CPA6: variants seen among roughly 807,000 people sequenced by gnomAD.
CPA6 encodes the protein carboxypeptidase A6, also known as carboxypeptidase B.
A neutral mutation model predicts 63.3 loss-of-function variants in CPA6; 58 were observed. That is an observed-to-expected ratio of 0.92 (90% CI 0.74 to 1.14). CPA6 has a LOEUF of 1.14. CPA6 is among the 50% of genes most tolerant of loss of function. CPA6 has a pLI of 0.00. For missense variants in CPA6, 565 were observed against 526.6 expected (o/e 1.07, Z -0.71); for synonymous variants, 185 against 179.0 (o/e 1.03, Z -0.27).
chr8:67,722,145 T>C (rs1817512977), intron 1 of CPA6, among the ~76,000 whole-genome samples: 1 of 152,230 alleles, frequency 6.6e-6, no homozygotes, highest in Non-Finnish European at 1.5e-5. Flanking sequence ...TTTGGAATCA[T>C]TCTTTGCCCA....
intron 2 of CPA6, among the ~76,000 whole-genome samples, chr8:67,576,312 T>C (rs1010010675): frequency 2.0e-5 from 3 of 152,230 alleles, no homozygotes; most frequent in Non-Finnish European, 4.4e-5. Flanking sequence ...CAACTATAAT[T>C]CGTCTATATG....
intron 8 of CPA6, among the ~76,000 whole-genome samples, chr8:67,477,217 G>T (rs1193695765): frequency 3.3e-5 from 5 of 149,974 alleles, no homozygotes; most frequent in Admixed American, 2.7e-4. Context: ...CTGAACCTGG[G>T]AGGCGGAGCT....
chr8:67,728,517 T>A (rs1817647366), intron 1 of CPA6, among the ~76,000 whole-genome samples: 1 of 152,214 alleles, frequency 6.6e-6, no homozygotes, highest in African/African-American at 2.4e-5. Flanking sequence ...AACACATAGG[T>A]AGCATCCCAA....
intron 6 of CPA6, among the ~76,000 whole-genome samples, chr8:67,504,167 T>G (rs1811884097): frequency 6.6e-6 from 1 of 152,216 alleles, no homozygotes; most frequent in Non-Finnish European, 1.5e-5. Flanking sequence ...GACTTCCAAC[T>G]GTGTGCACAT....
In CPA6 at chr8:67,559,649, C is replaced by T. The variant is rs577979856; in HGVS notation, c.193-41602G>A. ...TTGCATGTGTGAAGAAACAGGCAAA[C>T]TTTCTTTCTTATTTATTCTATTCTG... On this transcript the variant is annotated intron_variant, in intron 2 of 10. Coordinates refer to ENST00000297770, the MANE Select transcript of CPA6 (RefSeq NM_020361.5). Among the ~76,000 whole-genome samples the T allele has an allele frequency of 5.9e-5, 9 of 152,166 alleles. No homozygotes were observed. The South Asian group carries it at 1.9e-3, about 32-fold the overall frequency.
intron 2 of CPA6, among the ~76,000 whole-genome samples, chr8:67,592,558 T>C (rs1280700352): frequency 3.3e-5 from 5 of 151,844 alleles, no homozygotes; most frequent in African/African-American, 1.2e-4. Context: ...ATTGCCACAA[T>C]TTCAGATCCT....
intron 4 of CPA6, among the ~76,000 whole-genome samples, 177 bp downstream of exon 4, chr8:67,511,364 T>G (rs1179211769): frequency 6.6e-6 from 1 of 152,160 alleles, no homozygotes; most frequent in East Asian, 1.9e-4. Context: ...CATCAAAGAC[T>G]TAATAGAAGA....
At chr8:67,499,065 A>G (rs956845354) in intron 6 of CPA6, among the ~76,000 whole-genome samples, 20 of 152,194 alleles carry the variant, frequency 1.3e-4, no homozygotes, top group African/African-American at 4.8e-4. Flanking sequence ...ATGAAGCCCA[A>G]TTTACCAGTC....
chr8:67,655,431 G>A (rs1034239720), intron 1 of CPA6, among the ~76,000 whole-genome samples: 3 of 152,138 alleles, frequency 2.0e-5, no homozygotes, highest in African/African-American at 7.2e-5. Context: ...GGAATTAGGA[G>A]AAAAGGATTT....
intron 1 of CPA6, among the ~76,000 whole-genome samples, chr8:67,636,070 A>G (rs1434744046): frequency 2.0e-5 from 3 of 151,666 alleles, no homozygotes; most frequent in Non-Finnish European, 4.4e-5. Context: ...GATATCCCTT[A>G]GCAACTTTTG....
At chr8:67,626,833 G>A (rs1442465849) in intron 1 of CPA6, among the ~76,000 whole-genome samples, 2 of 151,620 alleles carry the variant, frequency 1.3e-5, no homozygotes, top group East Asian at 1.9e-4. Context: ...TGCAAGAAAA[G>A]CAATCTGTAG....
chr8:67,453,033 G>A (rs1178328206), intron 8 of CPA6, among the ~76,000 whole-genome samples: 1 of 152,198 alleles, frequency 6.6e-6, no homozygotes, highest in Non-Finnish European at 1.5e-5. Flanking sequence ...AGCCACTGCA[G>A]CATTTTCAGC....
chr8:67,716,235 C>T (rs981974529), intron 1 of CPA6, among the ~76,000 whole-genome samples: 23 of 148,722 alleles, frequency 1.5e-4, no homozygotes, highest in Admixed American at 1.5e-3. Flanking sequence ...TGAATAAGTG[C>T]TGGGTAAAAT....
At chr8:67,678,263 A>AC (rs60137125) in intron 1 of CPA6, among the ~76,000 whole-genome samples, 221 of 151,804 alleles carry the variant, frequency 1.5e-3, no homozygotes, top group Non-Finnish European at 2.2e-3. Context: ...ACACACACAC[A>AC]AACCCTGATG....
rs1811199034 is a variant in CPA6 at position 67,475,867 on chromosome 8, C to CTCT, written c.838+7900_838+7901insAGA. On this transcript the variant is annotated intron_variant, in intron 8 of 10. Coordinates refer to ENST00000297770, the MANE Select transcript of CPA6 (RefSeq NM_020361.5). ...TCTTTCTTTCTTTCTTTCTTTCTTTCTTTCTTTCTTTCTCCTTTCTTTCTT... is the reference window on the plus strand; with the variant it reads ...TCTTTCTTTCTTTCTTTCTTTCTTTCTCTTTTCTTTCTTTCTCCTTTCTTTCTT... Among the ~76,000 whole-genome samples the CTCT allele has an allele frequency of 3.2e-4, 27 of 83,332 alleles. 1 individual carries two copies. Among genetic ancestry groups the CTCT allele is most frequent in the African/African-American group, 9.2e-4 (18 of 19,478 alleles). The allele number at this position is 83,332 out of a possible 152,430, so 54.7% of individuals were successfully genotyped here.
chr8:67,720,545 A>C (rs1242464366), intron 1 of CPA6, among the ~76,000 whole-genome samples: 1 of 152,114 alleles, frequency 6.6e-6, no homozygotes, highest in Non-Finnish European at 1.5e-5. Flanking sequence ...ACTGTCACCT[A>C]AGCATCAGAA....
intron 2 of CPA6, among the ~76,000 whole-genome samples, chr8:67,594,880 C>T (rs1204340757): frequency 3.3e-5 from 5 of 152,204 alleles, no homozygotes; most frequent in African/African-American, 7.2e-5. Context: ...TCTCTCAACT[C>T]GTCAAAGTCA....
At chr8:67,705,102 G>GTAAC in intron 1 of CPA6, among the ~76,000 whole-genome samples, 1 of 152,244 alleles carries the variant, frequency 6.6e-6, no homozygotes, top group East Asian at 1.9e-4. Flanking sequence ...ACCCTCCCAG[G>GTAAC]TAACTGCCAT....
At chr8:67,540,970 C>A (rs1305161121) in intron 2 of CPA6, among the ~76,000 whole-genome samples, 1 of 152,200 alleles carries the variant, frequency 6.6e-6, no homozygotes, top group African/African-American at 2.4e-5. Context: ...TGAGCTAGAC[C>A]ACTTGGCTCC....
Sources: allele counts gnomAD v4.1 joint callset (sites outside exome capture counted in the v4.1 genomes callset), GRCh38; gene constraint gnomAD v4.1.1; transcripts MANE v1.5; gene names NCBI Gene and HGNC (gene_info 2026-07-23, HGNC 2026-07-21).